The following RAB3GAP1 variants were observed in gnomAD, a reference collection of about 807,000 sequenced individuals.
The protein encoded by RAB3GAP1 is rab3 GTPase-activating protein catalytic subunit.
In RAB3GAP1, 86 loss-of-function variants were observed where a neutral mutation model predicts 130.7. The observed-to-expected ratio is 0.66, with a 90% CI of 0.55 to 0.79. RAB3GAP1 has a LOEUF of 0.79. Among genes scored for constraint, RAB3GAP1 ranks in the 30% least tolerant of loss-of-function variants. RAB3GAP1 has a pLI of 0.00. For missense variants in RAB3GAP1, 1,029 were observed against 1,169.4 expected (o/e 0.88, Z 1.75); for synonymous variants, 367 against 401.7 (o/e 0.91, Z 1.03).
At chr2:135,080,146 A>G (rs560910923) in intron 3 of RAB3GAP1, among the ~76,000 whole-genome samples, 38 of 150,918 alleles carry the variant, frequency 2.5e-4, no homozygotes, top group Admixed American at 5.9e-4. Context: ...AAATGAGGTT[A>G]ATACTTAACC....
chr2:135,131,171 T>C (rs1573580141), intron 13 of RAB3GAP1, among the ~76,000 whole-genome samples: 1 of 152,234 alleles, frequency 6.6e-6, no homozygotes, highest in Non-Finnish European at 1.5e-5. Flanking sequence ...CACTGGCTTT[T>C]ATCTTGCAGT....
intron 3 of RAB3GAP1, among the ~76,000 whole-genome samples, chr2:135,063,493 C>T (rs1689235931): frequency 6.6e-6 from 1 of 152,176 alleles, no homozygotes; most frequent in African/African-American, 2.4e-5. Flanking sequence ...CCTCAGTCCC[C>T]TGGTAACCAC....
intron 19 of RAB3GAP1, among the ~76,000 whole-genome samples, chr2:135,159,939 T>A (rs1255194817): frequency 2.0e-5 from 3 of 152,158 alleles, no homozygotes; most frequent in African/African-American, 2.4e-5. Context: ...AATAGGCAAG[T>A]CCATAGAGAC....
At chr2:135,147,392 A>G (rs551666916) in intron 17 of RAB3GAP1, among the ~76,000 whole-genome samples, 112 of 152,110 alleles carry the variant, frequency 7.4e-4, no homozygotes, top group Admixed American at 2.7e-3. Context: ...GAAAGTTTCT[A>G]TCTTGTTCTA....
intron 7 of RAB3GAP1, among the ~76,000 whole-genome samples, chr2:135,117,630 GCTT>G (rs1691045336): frequency 5.7e-5 from 1 of 17,432 alleles, no homozygotes; most frequent in Admixed American, 5.7e-4. Flanking sequence ...TGCTTCTTCT[GCTT>G]CTGCTTCTTC....
At chr2:135,082,994 A>G (rs914749971) in intron 3 of RAB3GAP1, among the ~76,000 whole-genome samples, 9 of 152,138 alleles carry the variant, frequency 5.9e-5, no homozygotes, top group African/African-American at 2.2e-4. Context: ...TACTTATGAT[A>G]CCTAGTACAA....
At position 135,169,477 on chromosome 2, in the gene RAB3GAP1, C is replaced by CT. The variant is rs1165954710; in HGVS notation, c.*698dup. On this transcript the variant is annotated 3_prime_UTR_variant, in exon 24 of 24. Transcript: ENST00000264158. ...TTTATATCTGTCATGTGAGATTTGT[C>CT]TTACTTATTTTTCTTTTGGTTGCCA... 5.3e-6 allele frequency: 1 copy of CT among 187,562 alleles called. No homozygotes were observed. The highest frequency in any genetic ancestry group is 5.7e-5 in the Admixed American group (1 of 17,498). 11.6% of individuals were successfully genotyped at this position (187,562 alleles called of 1,614,324 possible).
Position 135,150,345 on chromosome 2 carries a change from G to T in RAB3GAP1, c.1924-24G>T, listed in dbSNP as rs768412614. The stretch of plus-strand genomic sequence containing the variant: ...TTTTTCTAAAAAGGGCTGTTTATGA[G>T]CCTTGTCCTTTTGTGCTTCACAGGA... On this transcript the variant is annotated intron_variant, in intron 17 of 23. Transcript: ENST00000264158. 6.6e-5 allele frequency: 106 copies of T among 1,613,860 alleles called. No individual in the cohort carries two copies. In the Admixed American group the frequency reaches 1.8e-3, roughly 27 times the overall value.
intron 5 of RAB3GAP1, among the ~76,000 whole-genome samples, chr2:135,099,798 C>A (rs1690402851): frequency 6.6e-6 from 1 of 151,926 alleles, no homozygotes. Flanking sequence ...TCATGTATAC[C>A]CATATCCCTG....
chr2:135,117,594 G>GCTTCTTCTTCTTCTTCTTCTT (rs1691038567), intron 7 of RAB3GAP1, among the ~76,000 whole-genome samples: 1 of 19,132 alleles, frequency 5.2e-5, no homozygotes, highest in South Asian at 2.0e-3. Flanking sequence ...TTCTTCTTCT[G>GCTTCTTCTTCTTCTTCTTCTT]CTGCTTCTTC....
At chr2:135,083,701 G>A (rs1051662329) in intron 3 of RAB3GAP1, among the ~76,000 whole-genome samples, 1 of 147,732 alleles carries the variant, frequency 6.8e-6, no homozygotes, top group Non-Finnish European at 1.5e-5. Flanking sequence ...TTGGCCTCAA[G>A]CAATCCTCCT....
chr2:135,113,983 C>G (rs1451700338), intron 6 of RAB3GAP1, among the ~76,000 whole-genome samples: 2 of 152,186 alleles, frequency 1.3e-5, no homozygotes, highest in Admixed American at 1.3e-4. Flanking sequence ...CTCCTGACCT[C>G]AGATGATCCG....
intron 17 of RAB3GAP1, among the ~76,000 whole-genome samples, chr2:135,136,283 A>G (rs7603805): frequency 0.31 from 47,845 of 151,960 alleles, 11,486 homozygotes; most frequent in African/African-American, 0.66. Context: ...CCGAGATTGC[A>G]CCACTGCACT....
At chr2:135,081,302 G>A (rs1453086544) in intron 3 of RAB3GAP1, among the ~76,000 whole-genome samples, 15 of 46,340 alleles carry the variant, frequency 3.2e-4, no homozygotes, top group African/African-American at 1.5e-3. Context: ...GCAAGACTCC[G>A]TCTCAAAAAA....
At chr2:135,115,407 C>T (rs1690942471) in intron 7 of RAB3GAP1, 26 bp downstream of exon 7, 1 of 1,586,706 alleles carries the variant, frequency 6.3e-7, no homozygotes, top group African/African-American at 1.3e-5. Context: ...TATTGTCAGT[C>T]TTATCTGAGA....
chr2:135,112,066 G>A (rs1690817906), intron 5 of RAB3GAP1, among the ~76,000 whole-genome samples: 1 of 152,182 alleles, frequency 6.6e-6, no homozygotes, highest in Non-Finnish European at 1.5e-5. Flanking sequence ...TTAGAGCATG[G>A]CCATATGCAT....
At chr2:135,123,966 T>C in intron 8 of RAB3GAP1, 199 bp from the exon 9 acceptor site, 1 of 574,844 alleles carries the variant, frequency 1.7e-6, no homozygotes, top group South Asian at 2.1e-5. Flanking sequence ...AGGAAATAAG[T>C]GTGCCCTTTT....
In RAB3GAP1 at chr2:135,116,645, A is replaced by G. The variant is rs549133969; in HGVS notation, c.648+1264A>G. Reference sequence around the variant, plus strand: ...TTAATTTATTGAGTGTGATAATTGTATTATAGTTGTATAGACTAATGTCCT... The same window carrying G: ...TTAATTTATTGAGTGTGATAATTGTGTTATAGTTGTATAGACTAATGTCCT... On this transcript the variant is annotated intron_variant, in intron 7 of 23. Coordinates refer to ENST00000264158, the MANE Select transcript of RAB3GAP1 (RefSeq NM_012233.3). Among the ~76,000 whole-genome samples the G allele has an allele frequency of 3.0e-4, 46 of 152,310 alleles. 1 individual carries two copies. The highest frequency in any genetic ancestry group is 2.3e-3 in the Admixed American group (35 of 15,302).
chr2:135,074,375 G>C lies in RAB3GAP1; in HGVS notation c.150+16289G>C, dbSNP rs947943545. Among the ~76,000 whole-genome samples, 10 of 152,364 alleles carry C rather than the reference G, an allele frequency of 6.6e-5. No homozygotes were observed. In the South Asian group the frequency reaches 2.1e-3, roughly 32 times the overall value. On this transcript the variant is annotated intron_variant, in intron 3 of 23. Transcript: ENST00000264158. ...CCTTCTGGGCAAGGTGGCCAAACCT[G>C]TTCAGTCCCTAGCCTTCAGGCTATA... is the stretch of plus-strand genomic sequence containing the variant.
Sources: gnomAD v4.1 joint callset for allele counts (sites outside exome capture counted in the v4.1 genomes callset) on GRCh38, gnomAD v4.1.1 for gene constraint, MANE v1.5 for transcripts, NCBI Gene and HGNC (gene_info 2026-07-23, HGNC 2026-07-21) for gene names.